The following NEMP2 variants were observed in gnomAD, a reference collection of about 807,000 sequenced individuals.
The protein encoded by NEMP2 is UPF0571 transmembrane protein.
In NEMP2, 53 loss-of-function variants were observed where a neutral mutation model predicts 54.2. The observed-to-expected ratio is 0.98, with a 90% CI of 0.78 to 1.23. The LOEUF (loss-of-function observed/expected upper bound fraction) is 1.23. Ranked by LOEUF, NEMP2 falls within the 50% of genes most tolerant of loss-of-function variation. The probability of loss-of-function intolerance (pLI) is 0.00; values close to 1 mark genes in which losing one functional copy is unlikely to be tolerated. For missense variants in NEMP2, 455 were observed against 511.3 expected (o/e 0.89, Z 1.06); for synonymous variants, 197 against 190.3 (o/e 1.04, Z -0.29).
chr2:190,644,108 A>G, the NEMP2 span, among the ~76,000 whole-genome samples: 4 of 152,170 alleles, frequency 2.6e-5, no homozygotes, highest in Non-Finnish European at 1.5e-5. This position sits in a 1 kb window ranked among gnomAD's most constrained non-coding sequence, Gnocchi z 4.4. Flanking sequence ...CAGTGCTATT[A>G]AATTCTAGCT....
chr2:190,592,383 A>T, the NEMP2 span, among the ~76,000 whole-genome samples: 282 of 152,286 alleles, frequency 1.9e-3, 1 homozygote, highest in African/African-American at 6.2e-3. This position sits in a 1 kb window ranked among gnomAD's most constrained non-coding sequence, Gnocchi z 4.4. Flanking sequence ...TGATGTAGAA[A>T]AGTCAAGTCA....
chr2:190,469,541 G>C, the NEMP2 span: 3 of 250,372 alleles, frequency 1.2e-5, no homozygotes, highest in Non-Finnish European at 2.2e-5. This position sits in a 1 kb window ranked among gnomAD's most constrained non-coding sequence, Gnocchi z 5.3. Context: ...AGATATGTTA[G>C]AAGCCATCTT....
chr2:190,472,785 C>G, the NEMP2 span, among the ~76,000 whole-genome samples: 1 of 152,144 alleles, frequency 6.6e-6, no homozygotes, highest in Non-Finnish European at 1.5e-5. Context: ...ACATAATTGT[C>G]AGATTCACCA....
chr2:190,428,377 C>G, the NEMP2 span, among the ~76,000 whole-genome samples: 2 of 152,090 alleles, frequency 1.3e-5, no homozygotes, highest in Non-Finnish European at 2.9e-5. Flanking sequence ...AGTAGCTATT[C>G]CCAGTTTTTA....
Position 190,527,689 on chromosome 2 carries a change from G to A in NEMP2, c.98-2311C>T, listed in dbSNP as rs1050032240. Among the ~76,000 whole-genome samples the A allele has an allele frequency of 1.3e-5, 2 of 152,126 alleles. No homozygotes were observed. The highest frequency in any genetic ancestry group is 4.8e-5 in the African/African-American group (2 of 41,412). On this transcript the variant is annotated intron_variant, in intron 1 of 8. Transcript: ENST00000409150. This position sits in a 1 kb window ranked among gnomAD's most constrained non-coding sequence, Gnocchi z 4.0. ...GGGCCAAGGACCAATACCAGTCCATGGTCTGTTAGGAACAGGGCTGCAGGA... is the reference window on the plus strand; with the variant it reads ...GGGCCAAGGACCAATACCAGTCCATAGTCTGTTAGGAACAGGGCTGCAGGA...
At chr2:190,609,412 A>G in the NEMP2 span, 8 of 152,308 alleles carry the variant, frequency 5.3e-5, no homozygotes, top group Non-Finnish European at 8.8e-5. This position sits in a 1 kb window ranked among gnomAD's most constrained non-coding sequence, Gnocchi z 4.7. Flanking sequence ...TTAGATCTCA[A>G]TAAACTTGTT....
the NEMP2 span, among the ~76,000 whole-genome samples, chr2:190,598,368 A>G: frequency 1.3e-5 from 2 of 152,254 alleles, no homozygotes; most frequent in African/African-American, 4.8e-5. Context: ...AGATGCTTAC[A>G]AGTGTTTTTA....
At position 190,534,592 on chromosome 2, in the gene NEMP2, C is replaced by A; in HGVS notation, c.64G>T (p.Val22Leu). 1 of 1,396,322 alleles carries A rather than the reference C, an allele frequency of 7.2e-7. No homozygotes were observed. Among genetic ancestry groups the A allele is most frequent in the East Asian group, 3.1e-5 (1 of 32,668 alleles). The allele number at this position is 1,396,322 out of a possible 1,614,324, so 86.5% of individuals were successfully genotyped here. The change falls in exon 1 of 9, where the codon GTG (valine) becomes TTG (leucine). Residue 22 changes from valine to leucine, a missense_variant. By Grantham distance (32) the Val-to-Leu change is conservative. This residue lies in a region of NEMP2 where 100 missense variants were observed against 80.2 expected (regional missense o/e 1.25). Transcript: ENST00000409150. ...GCTGCCGCCGCCGCCTCCCCGCGCA[C>A]GGGCAGTGTGGCCAGGGGCGGCAGC... The part of the protein sequence containing the change: ...LWLPPLATLP[V>L]RGEAAAAALS...
At chr2:190,610,533 T>TA in the NEMP2 span, 42 of 152,332 alleles carry the variant, frequency 2.8e-4, no homozygotes, top group African/African-American at 1.0e-3. The surrounding 1 kb of genome is among the most constrained non-coding windows in gnomAD (Gnocchi z 5.4). Flanking sequence ...ATTGGCTCCA[T>TA]AAGTCAAGTT....
At chr2:190,494,421 C>G in the NEMP2 span, among the ~76,000 whole-genome samples, 3 of 151,936 alleles carry the variant, frequency 2.0e-5, no homozygotes, top group Non-Finnish European at 4.4e-5. The surrounding 1 kb of genome is among the most constrained non-coding windows in gnomAD (Gnocchi z 5.7). Flanking sequence ...ATCAGGCATT[C>G]AAAGAAGAAT....
the NEMP2 span, among the ~76,000 whole-genome samples, chr2:190,602,121 A>T: frequency 5.9e-5 from 9 of 152,182 alleles, no homozygotes; most frequent in Non-Finnish European, 1.0e-4. Context: ...GGAGACAGTG[A>T]GGGAAGGAGA....
At chr2:190,451,492 G>T in the NEMP2 span, among the ~76,000 whole-genome samples, 2 of 152,216 alleles carry the variant, frequency 1.3e-5, no homozygotes, top group Admixed American at 6.5e-5. The surrounding 1 kb of genome is among the most constrained non-coding windows in gnomAD (Gnocchi z 5.0). Flanking sequence ...GTCAGTCCTC[G>T]TGGGACTCAC....
chr2:190,451,322 T>C, the NEMP2 span, among the ~76,000 whole-genome samples: 35,125 of 152,176 alleles, frequency 0.23, 4,969 homozygotes, highest in South Asian at 0.33. This position sits in a 1 kb window ranked among gnomAD's most constrained non-coding sequence, Gnocchi z 5.0. Context: ...TAAGATTAAA[T>C]GAGATAATGC....
At chr2:190,472,091 C>T in the NEMP2 span, among the ~76,000 whole-genome samples, 1 of 152,102 alleles carries the variant, frequency 6.6e-6, no homozygotes, top group Non-Finnish European at 1.5e-5. Context: ...CCCATCTGTA[C>T]GTCACCATCA....
chr2:190,482,490 A>T, the NEMP2 span, among the ~76,000 whole-genome samples: 1 of 151,746 alleles, frequency 6.6e-6, no homozygotes, highest in Non-Finnish European at 1.5e-5. Flanking sequence ...CTGTGTGCCA[A>T]TGCTAAAGGG....
intron 1 of NEMP2, among the ~76,000 whole-genome samples, chr2:190,526,850 A>T (rs1193254987): frequency 6.6e-6 from 1 of 152,214 alleles, no homozygotes; most frequent in Non-Finnish European, 1.5e-5. Flanking sequence ...GTAGATACCT[A>T]AATATATATG....
At chr2:190,437,096 A>G in the NEMP2 span, 1 of 1,614,260 alleles carries the variant, frequency 6.2e-7, no homozygotes, top group South Asian at 1.1e-5. The surrounding 1 kb of genome is among the most constrained non-coding windows in gnomAD (Gnocchi z 5.9). Context: ...GTGCTCATCG[A>G]TGGAAAGGGG....
the NEMP2 span, among the ~76,000 whole-genome samples, chr2:190,491,100 T>G: frequency 6.6e-6 from 1 of 152,172 alleles, no homozygotes; most frequent in Non-Finnish European, 1.5e-5. This position sits in a 1 kb window ranked among gnomAD's most constrained non-coding sequence, Gnocchi z 4.2. Flanking sequence ...TTGCTATTAA[T>G]CACAAAAAAA....
At chr2:190,540,120 T>TA in the NEMP2 span, among the ~76,000 whole-genome samples, 1 of 152,188 alleles carries the variant, frequency 6.6e-6, no homozygotes, top group Non-Finnish European at 1.5e-5. Flanking sequence ...GAAGGTTTTT[T>TA]TCATAAAGGG....
Sources: gnomAD v4.1 joint callset for allele counts (sites outside exome capture counted in the v4.1 genomes callset) on GRCh38, gnomAD v4.1.1 for gene constraint, gnomAD v4.1.1 regional missense constraint, Gnocchi (gnomAD v3.1) non-coding constraint, MANE v1.5 for transcripts, NCBI Gene and HGNC (gene_info 2026-07-23, HGNC 2026-07-21) for gene names.